ERC1: variants seen among roughly 807,000 people sequenced by gnomAD.
ERC1 encodes RAB6 interacting protein 2.
A neutral mutation model predicts 132.0 loss-of-function variants in ERC1; 56 were observed. The ratio of observed to expected loss-of-function variants is 0.42; its 90% CI spans 0.34 to 0.53. The LOEUF (loss-of-function observed/expected upper bound fraction) is 0.53. Ranked by LOEUF, ERC1 falls within the 20% of genes least tolerant of loss-of-function variation. The probability of loss-of-function intolerance (pLI) is 0.03; values close to 1 mark genes in which losing one functional copy is unlikely to be tolerated. For synonymous variants in ERC1, 478 were observed against 476.1 expected (o/e 1.00, Z -0.05); for missense variants, 1,202 against 1,349.9 (o/e 0.89, Z 1.72).
At chr12:1,436,483 T>C (rs2092952365) in intron 17 of ERC1, among the ~76,000 whole-genome samples, 1 of 152,160 alleles carries the variant, frequency 6.6e-6, no homozygotes, top group African/African-American at 2.4e-5. Context: ...GTAACTCCGC[T>C]TGCCTTTCCC....
At chr12:1,312,585 C>G (rs928628809) in intron 15 of ERC1, among the ~76,000 whole-genome samples, 3 of 152,180 alleles carry the variant, frequency 2.0e-5, no homozygotes, top group Non-Finnish European at 4.4e-5. Flanking sequence ...TCTCAAACTC[C>G]TGACCTCAAG....
chr12:1,022,509 C>A (rs929405356), intron 1 of ERC1, among the ~76,000 whole-genome samples: 3 of 152,132 alleles, frequency 2.0e-5, no homozygotes, highest in African/African-American at 7.2e-5. Flanking sequence ...TTGAAAAACA[C>A]TGACTGGGGA....
intron 12 of ERC1, among the ~76,000 whole-genome samples, chr12:1,227,915 T>G (rs2074718639): frequency 6.6e-6 from 1 of 152,234 alleles, no homozygotes; most frequent in African/African-American, 2.4e-5. Flanking sequence ...AGATTATACT[T>G]TCCCCAATGT....
intron 5 of ERC1, among the ~76,000 whole-genome samples, 171 bp from the exon 6 acceptor site, chr12:1,112,044 A>G (rs1593367131): frequency 4.4e-5 from 1 of 22,974 alleles, no homozygotes; most frequent in African/African-American, 1.1e-4. Flanking sequence ...GGGGGAAAAA[A>G]CCTGTGAACT....
At chr12:1,175,467 A>G (rs979830073) in intron 8 of ERC1, among the ~76,000 whole-genome samples, 1 of 149,138 alleles carries the variant, frequency 6.7e-6, no homozygotes, top group Non-Finnish European at 1.5e-5. Context: ...TTCTGTCTCA[A>G]AAAAAAAAAG....
chr12:1,049,106 G>T (rs1337783859), intron 2 of ERC1, among the ~76,000 whole-genome samples: 1 of 152,166 alleles, frequency 6.6e-6, no homozygotes. Flanking sequence ...AAAAAACCTG[G>T]CAGGCCAGAG....
chr12:1,382,014 G>C (rs1316884174), intron 16 of ERC1, among the ~76,000 whole-genome samples: 13 of 152,140 alleles, frequency 8.5e-5, no homozygotes, highest in Non-Finnish European at 1.8e-4. Context: ...TCTTGTTGGT[G>C]TGATTATTTG....
At chr12:1,232,002 G>A (rs1388235467) in intron 12 of ERC1, among the ~76,000 whole-genome samples, 2 of 152,156 alleles carry the variant, frequency 1.3e-5, no homozygotes, top group Non-Finnish European at 2.9e-5. Flanking sequence ...GCCTCCTAAA[G>A]TGCTGGGATT....
At chr12:1,165,587 C>G (rs1042057192) in intron 8 of ERC1, among the ~76,000 whole-genome samples, 4 of 152,080 alleles carry the variant, frequency 2.6e-5, no homozygotes, top group Non-Finnish European at 4.4e-5. Flanking sequence ...ATTACCTCGG[C>G]CTCCCAAAGT....
At chr12:1,410,436 G>A (rs1166251828) in intron 17 of ERC1, 10 of 1,318,846 alleles carry the variant, frequency 7.6e-6, no homozygotes, top group Non-Finnish European at 9.0e-6. Flanking sequence ...GCTTAGTTCA[G>A]CCATTTTGTT....
At chr12:1,392,576 T>C (rs1490223771) in intron 16 of ERC1, among the ~76,000 whole-genome samples, 1 of 152,260 alleles carries the variant, frequency 6.6e-6, no homozygotes, top group African/African-American at 2.4e-5. Context: ...ATCATTACTT[T>C]ATTCAGCTTC....
At chr12:1,210,155 T>C (rs1455713602) in intron 12 of ERC1, among the ~76,000 whole-genome samples, 1 of 152,208 alleles carries the variant, frequency 6.6e-6, no homozygotes, top group East Asian at 1.9e-4. Context: ...AACTATTGAG[T>C]TGGCTTCTTG....
At chr12:1,037,301 T>G (rs555879812) in intron 2 of ERC1, among the ~76,000 whole-genome samples, 1 of 152,234 alleles carries the variant, frequency 6.6e-6, no homozygotes, top group Non-Finnish European at 1.5e-5. Context: ...AAATTGTTTT[T>G]AGAGATTTGC....
chr12:1,356,022 G>A (rs1324669460), intron 15 of ERC1, among the ~76,000 whole-genome samples: 2 of 152,006 alleles, frequency 1.3e-5, no homozygotes, highest in African/African-American at 4.8e-5. Context: ...CCTGGGCAAC[G>A]TGATGAAACC....
At chr12:1,244,160 AG>A (rs1467361531) in intron 13 of ERC1, among the ~76,000 whole-genome samples, 10 of 152,196 alleles carry the variant, frequency 6.6e-5, no homozygotes, top group African/African-American at 2.4e-4. Context: ...ACGTGATTGA[AG>A]TATTCTGTAT....
intron 2 of ERC1, among the ~76,000 whole-genome samples, chr12:1,066,080 A>C (rs1565895943): frequency 6.6e-6 from 1 of 152,216 alleles, no homozygotes; most frequent in African/African-American, 2.4e-5. Flanking sequence ...ATATTATGGA[A>C]CTAGGTAGAG....
At chr12:1,116,791 C>G (rs1490187487) in intron 7 of ERC1, among the ~76,000 whole-genome samples, 1 of 152,082 alleles carries the variant, frequency 6.6e-6, no homozygotes, top group South Asian at 2.1e-4. Flanking sequence ...CCATATTGGC[C>G]AGGCTGGTCT....
At chr12:1,032,686 T>G (rs564243620) in intron 2 of ERC1, among the ~76,000 whole-genome samples, 1 of 152,204 alleles carries the variant, frequency 6.6e-6, no homozygotes, top group Non-Finnish European at 1.5e-5. Context: ...TCAAATGATA[T>G]ATGACAGCAG....
chr12:1,276,982 G>A (rs531767719), intron 14 of ERC1, among the ~76,000 whole-genome samples: 1 of 152,316 alleles, frequency 6.6e-6, no homozygotes, highest in Admixed American at 6.5e-5. Flanking sequence ...TGTCAGAATT[G>A]TAGATTTAAA....
Sources: gnomAD v4.1 joint callset for allele counts (sites outside exome capture counted in the v4.1 genomes callset) on GRCh38, gnomAD v4.1.1 for gene constraint, MANE v1.5 for transcripts, NCBI Gene and HGNC (gene_info 2026-07-23, HGNC 2026-07-21) for gene names.